SEC14L5: variants seen among roughly 807,000 people sequenced by gnomAD.
SEC14L5 encodes SEC14 like lipid binding 5.
A neutral mutation model predicts 84.6 loss-of-function variants in SEC14L5; 96 were observed. That is an observed-to-expected ratio of 1.13 (90% CI 0.96 to 1.34). SEC14L5 has a LOEUF of 1.34. Ranked by LOEUF, SEC14L5 falls within the 40% of genes most tolerant of loss-of-function variation. The probability of loss-of-function intolerance (pLI) is 0.00; values close to 1 mark genes in which losing one functional copy is unlikely to be tolerated. For missense variants in SEC14L5, 1,224 were observed against 942.5 expected, an observed-to-expected ratio of 1.30 and a Z score of -3.91; for synonymous variants, 546 against 383.4, an observed-to-expected ratio of 1.42 and a Z score of -4.95.
At chr16:4,959,760 C>T (rs1033646820) in intron 2 of SEC14L5, among the ~76,000 whole-genome samples, 7 of 152,168 alleles carry the variant, frequency 4.6e-5, no homozygotes. Flanking sequence ...TGAATGTTTA[C>T]AGCACTGTCT....
intron 15 of SEC14L5, among the ~76,000 whole-genome samples, chr16:5,011,482 A>G (rs1240382744): frequency 6.6e-6 from 1 of 152,216 alleles, no homozygotes; most frequent in Non-Finnish European, 1.5e-5. Context: ...CTTCCGAAGC[A>G]GGGATTTTCC....
At chr16:4,967,794 A>G (rs1568104557) in intron 2 of SEC14L5, among the ~76,000 whole-genome samples, 1 of 149,674 alleles carries the variant, frequency 6.7e-6, no homozygotes, top group Non-Finnish European at 1.5e-5. Flanking sequence ...GCTGGTCTCC[A>G]ACTCCTGACC....
chr16:4,976,067 T>G (rs1339904611), intron 2 of SEC14L5, among the ~76,000 whole-genome samples: 6 of 152,220 alleles, frequency 3.9e-5, no homozygotes, highest in Non-Finnish European at 4.4e-5. Context: ...AATAGCTTTT[T>G]GTACTTTACA....
chr16:4,967,448 A>G (rs924749674), intron 2 of SEC14L5, among the ~76,000 whole-genome samples: 1 of 150,780 alleles, frequency 6.6e-6, no homozygotes, highest in Non-Finnish European at 1.5e-5. Context: ...ACTTCAACAT[A>G]TCTATTTTAG....
intron 2 of SEC14L5, among the ~76,000 whole-genome samples, chr16:4,985,468 T>C (rs990657020): frequency 3.3e-5 from 5 of 152,192 alleles, no homozygotes; most frequent in East Asian, 1.9e-4. Context: ...CCTTCGGTGA[T>C]CCACCCGCCT....
chr16:5,007,897 C>T (rs1009784511), intron 13 of SEC14L5, among the ~76,000 whole-genome samples: 3 of 143,010 alleles, frequency 2.1e-5, no homozygotes, highest in Admixed American at 7.2e-5. Flanking sequence ...GGAGCCACGG[C>T]GCCTGGCCTC....
At chr16:4,972,961 T>C (rs1703167919) in intron 2 of SEC14L5, among the ~76,000 whole-genome samples, 1 of 152,256 alleles carries the variant, frequency 6.6e-6, no homozygotes, top group Non-Finnish European at 1.5e-5. Flanking sequence ...ATTCGTCCTG[T>C]AAATGTCTAT....
At chr16:4,967,884 G>A (rs893934682) in intron 2 of SEC14L5, among the ~76,000 whole-genome samples, 1 of 150,880 alleles carries the variant, frequency 6.6e-6, no homozygotes, top group Non-Finnish European at 1.5e-5. Flanking sequence ...TGTGATTACA[G>A]GCGTGACCAC....
intron 2 of SEC14L5, among the ~76,000 whole-genome samples, chr16:4,959,604 C>G (rs61423624): frequency 0.15 from 23,157 of 152,026 alleles, 1,906 homozygotes; most frequent in African/African-American, 0.18. Context: ...TCTTCCTTCT[C>G]CTTGTTGAAG....
chr16:4,964,011 C>G (rs984416953), intron 2 of SEC14L5, among the ~76,000 whole-genome samples: 1 of 152,138 alleles, frequency 6.6e-6, no homozygotes, highest in Non-Finnish European at 1.5e-5. Flanking sequence ...GATAGCATTC[C>G]GTATCATTGG....
intron 2 of SEC14L5, among the ~76,000 whole-genome samples, chr16:4,971,564 C>G (rs958862032): frequency 1.3e-5 from 2 of 152,130 alleles, no homozygotes; most frequent in African/African-American, 4.8e-5. Flanking sequence ...GTGGATAAAC[C>G]CTGTTCTGAC....
At chr16:4,987,795 C>T (rs1955508824) in intron 3 of SEC14L5, 89 bp downstream of exon 3, 4 of 1,032,610 alleles carry the variant, frequency 3.9e-6, no homozygotes, top group African/African-American at 1.7e-5. Context: ...ACCAGGGCGG[C>T]GGGGTCCAGG....
intron 10 of SEC14L5, among the ~76,000 whole-genome samples, chr16:5,002,875 T>G (rs1445474116): frequency 6.6e-6 from 1 of 152,228 alleles, no homozygotes; most frequent in African/African-American, 2.4e-5. Flanking sequence ...GTAGTTAGCA[T>G]CTTTTCAACA....
rs1419487471 is a variant in SEC14L5, at chr16:4,962,164, T to A, written c.63+2778T>A. 4.4e-4 allele frequency among the ~76,000 whole-genome samples: 31 copies of A among 69,814 alleles called. 1 individual carries two copies. Among genetic ancestry groups the A allele is most frequent in the African/African-American group, 1.5e-3 (26 of 17,234 alleles). The allele number at this position is 69,814 out of a possible 152,430, so 45.8% of individuals were successfully genotyped here. A position where few individuals can be genotyped will look rare whatever the true frequency, so the allele number is the denominator to read the frequency against. ...CTGGGCAACAGAGCGAGACTCTGTC[T>A]CAAAAAAAAAAAAAAAAAGAAAAAG... On this transcript the variant is annotated intron_variant, in intron 2 of 15. Coordinates refer to ENST00000251170, the MANE Select transcript of SEC14L5 (RefSeq NM_014692.2).
intron 2 of SEC14L5, among the ~76,000 whole-genome samples, chr16:4,982,981 A>G (rs938576288): frequency 1.4e-4 from 22 of 152,036 alleles, no homozygotes; most frequent in African/African-American, 4.6e-4. Context: ...TAAACTCCTT[A>G]AACTACTCAT....
At chr16:5,001,060 C>G (rs914415446) in intron 10 of SEC14L5, 135 bp downstream of exon 10, 2 of 706,156 alleles carry the variant, frequency 2.8e-6, no homozygotes, top group Non-Finnish European at 4.9e-6. Context: ...CAGTGGTCTT[C>G]TGGGCCTTGA....
At chr16:4,973,530 G>A (rs527503316) in intron 2 of SEC14L5, among the ~76,000 whole-genome samples, 1 of 152,322 alleles carries the variant, frequency 6.6e-6, no homozygotes, top group South Asian at 2.1e-4. Flanking sequence ...CGAAAAGTTG[G>A]GGGGTCTACC....
intron 15 of SEC14L5, among the ~76,000 whole-genome samples, 155 bp from the exon 16 acceptor site, chr16:5,014,704 C>G (rs929643698): frequency 9.2e-5 from 14 of 152,230 alleles, no homozygotes; most frequent in African/African-American, 3.4e-4. Flanking sequence ...TTCGGTAGTG[C>G]TTTTCTCTTC....
chr16:5,008,535 C>T lies in SEC14L5; in HGVS notation c.1687C>T (p.Arg563Trp), dbSNP rs771686795. 64 of 1,608,802 alleles carry T rather than the reference C, an allele frequency of 4.0e-5. No individual in the cohort carries two copies. The highest frequency in any genetic ancestry group is 2.9e-4 in the Admixed American group (17 of 58,518). ...HTKQAPRLGAREPGTRASGQL... is the reference protein window; with the variant it reads ...HTKQAPRLGAWEPGTRASGQL... Reference sequence around the variant, plus strand: ...CAAGCAGGCGCCCAGGCTGGGCGCCCGGGAACCGGGGACCAGGGCCAGCGG... The same window carrying T: ...CAAGCAGGCGCCCAGGCTGGGCGCCTGGGAACCGGGGACCAGGGCCAGCGG... Residue 563 changes from arginine to tryptophan, a missense_variant, in exon 14 of 16, where the codon CGG becomes TGG. Arg to Trp is a moderately radical substitution (Grantham distance 101). Transcript: ENST00000251170.
Sources: allele counts gnomAD v4.1 joint callset (sites outside exome capture counted in the v4.1 genomes callset), GRCh38; gene constraint gnomAD v4.1.1; transcripts MANE v1.5; gene names NCBI Gene and HGNC (gene_info 2026-07-23, HGNC 2026-07-21).